The following VWF variants were observed in gnomAD, a reference collection of about 807,000 sequenced individuals.
VWF encodes von Willebrand factor.
Under a neutral mutation model 308.6 loss-of-function variants are expected in VWF, and 176 were observed. The observed-to-expected ratio is 0.57, with a 90% CI of 0.50 to 0.65. The LOEUF (loss-of-function observed/expected upper bound fraction) is 0.65. Ranked by LOEUF, VWF falls within the 30% of genes least tolerant of loss-of-function variation. The probability of loss-of-function intolerance (pLI) is 0.00; values close to 1 mark genes in which losing one functional copy is unlikely to be tolerated. For missense variants in VWF, 3,146 were observed against 3,648.2 expected, an observed-to-expected ratio of 0.86 and a Z score of 3.55; for synonymous variants, 1,385 against 1,443.4, an observed-to-expected ratio of 0.96 and a Z score of 0.92.
chr12:6,121,103 C>A, intron 3 of VWF, 71 bp downstream of exon 3: 1 of 1,599,766 alleles, frequency 6.3e-7, no homozygotes, highest in Non-Finnish European at 8.6e-7. Context: ...GAGCAGGAAT[C>A]CTCCCCCACA....
At chr12:6,014,246 C>A (rs139558734) in intron 31 of VWF, among the ~76,000 whole-genome samples, 50 of 152,220 alleles carry the variant, frequency 3.3e-4, no homozygotes, top group Non-Finnish European at 6.8e-4. Context: ...TCAGGCAATG[C>A]TCCATTGGCC....
intron 5 of VWF, among the ~76,000 whole-genome samples, chr12:6,109,892 C>T (rs907181119): frequency 1.3e-5 from 2 of 152,208 alleles, no homozygotes; most frequent in African/African-American, 4.8e-5. Context: ...CCTCATGATC[C>T]GCCTGCCTCG....
Position 6,019,128 on chromosome 12 carries a change from C to T in VWF, c.4290G>A (p.Lys1430=). 4 of 1,613,922 alleles carry T rather than the reference C, an allele frequency of 2.5e-6. No homozygotes were observed. Among genetic ancestry groups the T allele is most frequent in the African/African-American group, 1.3e-5 (1 of 75,024 alleles). ...ANLKQIRLIE[K]QAPENKAFVL... ...CGAAGGCCTTGTTCTCAGGGGCCTGCTTCTCGATGAGGCGGATCTGCTTGA... is the reference window on the plus strand; with the variant it reads ...CGAAGGCCTTGTTCTCAGGGGCCTGTTTCTCGATGAGGCGGATCTGCTTGA... The change falls in exon 28 of 52, where the codon AAG becomes AAA. Residue 1430 remains lysine, a synonymous_variant. Coordinates refer to ENST00000261405, the MANE Select transcript of VWF (RefSeq NM_000552.5). The surrounding 1 kb of genome is among the most constrained non-coding windows in gnomAD (Gnocchi z 5.8).
intron 48 of VWF, 35 bp downstream of exon 48, chr12:5,953,461 T>C: frequency 1.3e-6 from 2 of 1,580,236 alleles, no homozygotes; most frequent in Non-Finnish European, 1.7e-6. Flanking sequence ...AAGATGGTGA[T>C]ATGTGAGGGA....
At chr12:6,029,237 G>A (rs1290681563) in intron 22 of VWF, 105 bp downstream of exon 22, 10 of 1,472,566 alleles carry the variant, frequency 6.8e-6, no homozygotes, top group Admixed American at 5.0e-5. Context: ...CCCAACACAG[G>A]AGCACCTGGA....
chr12:5,949,949 C>CAG (rs1943163617), intron 50 of VWF, 66 bp from the exon 51 acceptor site: 1 of 1,454,226 alleles, frequency 6.9e-7, no homozygotes, highest in Non-Finnish European at 9.6e-7. Context: ...TCTTCAGCCC[C>CAG]AGTGCCCTCA....
chr12:6,067,041 G>C (rs1041966389), intron 10 of VWF, among the ~76,000 whole-genome samples: 2 of 152,174 alleles, frequency 1.3e-5, no homozygotes, highest in African/African-American at 2.4e-5. Flanking sequence ...AAAGGCCCCA[G>C]ATCACTCCCA....
intron 3 of VWF, among the ~76,000 whole-genome samples, chr12:6,117,233 T>G (rs1945377849): frequency 6.6e-6 from 1 of 152,210 alleles, no homozygotes; most frequent in South Asian, 2.1e-4. Context: ...AAAAGAATAA[T>G]GACCTGGTGG....
chr12:6,050,284 C>A (rs1312059600), intron 16 of VWF, among the ~76,000 whole-genome samples: 8 of 152,180 alleles, frequency 5.3e-5, no homozygotes, highest in Non-Finnish European at 1.0e-4. Context: ...GCTTTCCCAG[C>A]GTCTCTGGCT....
At chr12:6,052,425 A>C in intron 16 of VWF, 118 bp downstream of exon 16, 1 of 1,497,356 alleles carries the variant, frequency 6.7e-7, no homozygotes, top group Non-Finnish European at 9.3e-7. Context: ...GTTCTGGACA[A>C]GTCACTTCCT....
At chr12:5,985,463 T>A in intron 39 of VWF, 100 bp downstream of exon 39, 1 of 1,279,558 alleles carries the variant, frequency 7.8e-7, no homozygotes, top group Non-Finnish European at 1.1e-6. Flanking sequence ...TAGGTGCCAG[T>A]GTTTGAGTCT....
chr12:6,108,334 T>TATATATACACACACAC (rs374693235), intron 5 of VWF, among the ~76,000 whole-genome samples: 1 of 124,158 alleles, frequency 8.1e-6, no homozygotes, highest in Non-Finnish European at 1.7e-5. Context: ...AAGAAATATA[T>TATATATACACACACAC]ACACACACAC....
intron 20 of VWF, among the ~76,000 whole-genome samples, chr12:6,034,120 C>T (rs1944305227): frequency 6.6e-6 from 1 of 152,198 alleles, no homozygotes; most frequent in South Asian, 2.1e-4. Flanking sequence ...GTGTCCCATC[C>T]TCCCACTCCT....
At chr12:5,977,654 G>A (rs952649842) in intron 42 of VWF, among the ~76,000 whole-genome samples, 1 of 152,018 alleles carries the variant, frequency 6.6e-6, no homozygotes, top group Admixed American at 6.6e-5. Flanking sequence ...CAGATTGGTT[G>A]AGTTCAGAAG....
chr12:6,096,685 A>T (rs1392392670), intron 5 of VWF, among the ~76,000 whole-genome samples: 1 of 152,212 alleles, frequency 6.6e-6, no homozygotes, highest in African/African-American at 2.4e-5. Flanking sequence ...GTGCTTTAGT[A>T]CTTATAGTGC....
At chr12:6,054,624 G>A (rs1056709634) in intron 15 of VWF, among the ~76,000 whole-genome samples, 2 of 152,310 alleles carry the variant, frequency 1.3e-5, no homozygotes, top group African/African-American at 2.4e-5. Flanking sequence ...GCCAGCCCTG[G>A]TCCTTGCCTT....
intron 34 of VWF, among the ~76,000 whole-genome samples, chr12:6,010,884 C>T (rs1022597775): frequency 6.6e-6 from 1 of 152,150 alleles, no homozygotes; most frequent in African/African-American, 2.4e-5. Flanking sequence ...ACTTTGTCTT[C>T]TGACAAAGTA....
chr12:6,097,489 G>C (rs2136503179), intron 5 of VWF, among the ~76,000 whole-genome samples: 1 of 152,164 alleles, frequency 6.6e-6, no homozygotes, highest in South Asian at 2.1e-4. Flanking sequence ...TGGGCAGAGG[G>C]AGACGGGCAA....
At chr12:6,118,501 C>T (rs1221427326) in intron 3 of VWF, among the ~76,000 whole-genome samples, 2 of 150,218 alleles carry the variant, frequency 1.3e-5, no homozygotes, top group Non-Finnish European at 2.9e-5. Context: ...GATTCTTGTG[C>T]CTCAACCTCC....
Sources: allele counts gnomAD v4.1 joint callset (sites outside exome capture counted in the v4.1 genomes callset), GRCh38; gene constraint gnomAD v4.1.1; non-coding constraint Gnocchi (gnomAD v3.1); transcripts MANE v1.5; gene names NCBI Gene and HGNC (gene_info 2026-07-23, HGNC 2026-07-21).